CDH12: variants seen among roughly 807,000 people sequenced by gnomAD.
The protein encoded by CDH12 is cadherin 12.
Under a neutral mutation model 74.1 loss-of-function variants are expected in CDH12, and 41 were observed. The ratio of observed to expected loss-of-function variants is 0.55; its 90% CI spans 0.43 to 0.72. The LOEUF (loss-of-function observed/expected upper bound fraction) is 0.72. CDH12 is among the 30% of genes least tolerant of loss of function. The pLI, the probability that CDH12 is intolerant of heterozygous loss-of-function variation, is 0.00. For missense variants in CDH12, 945 were observed against 977.2 expected (o/e 0.97, Z 0.44); for synonymous variants, 399 against 355.0 (o/e 1.12, Z -1.39).
At chr5:22,097,505 C>T (rs1199589332) in intron 4 of CDH12, among the ~76,000 whole-genome samples, 3 of 152,142 alleles carry the variant, frequency 2.0e-5, no homozygotes, top group Non-Finnish European at 4.4e-5. Context: ...GGCTTCTAAA[C>T]ATCTTTAAAC....
At chr5:22,541,663 T>A (rs1392126175) in intron 1 of CDH12, among the ~76,000 whole-genome samples, 2 of 152,228 alleles carry the variant, frequency 1.3e-5, no homozygotes, top group East Asian at 1.9e-4. Context: ...ACTGTGTTTG[T>A]GCCCTATAAT....
At chr5:22,714,838 G>T (rs1261773691) in intron 1 of CDH12, among the ~76,000 whole-genome samples, 1 of 152,114 alleles carries the variant, frequency 6.6e-6, no homozygotes, top group African/African-American at 2.4e-5. Flanking sequence ...TGAATTCTGG[G>T]GCTTAACAAC....
chr5:22,207,432 A>C (rs527685573), intron 4 of CDH12, among the ~76,000 whole-genome samples: 2 of 152,270 alleles, frequency 1.3e-5, no homozygotes, highest in East Asian at 3.9e-4. Flanking sequence ...GCTTGCAATC[A>C]GCCATTGACA....
At chr5:22,642,956 A>T (rs759641967) in intron 1 of CDH12, among the ~76,000 whole-genome samples, 1 of 152,144 alleles carries the variant, frequency 6.6e-6, no homozygotes, top group South Asian at 2.1e-4. Flanking sequence ...TGGGGTTCTC[A>T]TTGGAATTTA....
At chr5:22,470,733 T>C (rs892121527) in intron 2 of CDH12, among the ~76,000 whole-genome samples, 12 of 152,120 alleles carry the variant, frequency 7.9e-5, no homozygotes, top group Non-Finnish European at 7.3e-5. Context: ...TTCTATTTTA[T>C]AAGGTAGATG....
intron 10 of CDH12, among the ~76,000 whole-genome samples, chr5:21,798,249 A>ATGTGTGTGTG (rs55704091): frequency 5.4e-5 from 8 of 148,784 alleles, no homozygotes; most frequent in African/African-American, 2.0e-4. Context: ...GTATATGTGG[A>ATGTGTGTGTG]TGTGTGTGTG....
chr5:22,299,494 G>A (rs1737773696), intron 3 of CDH12, among the ~76,000 whole-genome samples: 1 of 152,146 alleles, frequency 6.6e-6, no homozygotes, highest in South Asian at 2.1e-4. Flanking sequence ...AAATCATTAT[G>A]CAAGAAGTAG....
chr5:22,496,807 CTTCTTTTGCTCTTTT>C (rs1268787650), intron 2 of CDH12, among the ~76,000 whole-genome samples: 2 of 152,198 alleles, frequency 1.3e-5, no homozygotes, highest in African/African-American at 2.4e-5. Flanking sequence ...ACACTGACCA[CTTCTTTTGCTCTTTT>C]TATTTTTCTT....
chr5:22,329,777 C>T (rs890454633), intron 3 of CDH12, among the ~76,000 whole-genome samples: 1 of 152,190 alleles, frequency 6.6e-6, no homozygotes. Flanking sequence ...GCTCAGCCAG[C>T]GCCCACACAT....
chr5:22,695,177 T>C (rs1436698103), intron 1 of CDH12, among the ~76,000 whole-genome samples: 1 of 152,210 alleles, frequency 6.6e-6, no homozygotes, highest in Non-Finnish European at 1.5e-5. Flanking sequence ...ACTCATTCTT[T>C]TTTATGGCTG....
At chr5:21,842,482 A>G (rs1749927525) in intron 7 of CDH12, among the ~76,000 whole-genome samples, 154 bp from the exon 8 acceptor site, 1 of 152,202 alleles carries the variant, frequency 6.6e-6, no homozygotes, top group African/African-American at 2.4e-5. Flanking sequence ...GACATTCAAA[A>G]TGTCCAATGG....
chr5:22,754,743 C>A (rs1561007490), intron 1 of CDH12, among the ~76,000 whole-genome samples: 1 of 152,028 alleles, frequency 6.6e-6, no homozygotes, highest in Non-Finnish European at 1.5e-5. Context: ...CTTATTTAAT[C>A]CTTATGTGAT....
At chr5:21,968,288 C>T (rs1342825469) in intron 6 of CDH12, among the ~76,000 whole-genome samples, 5 of 152,180 alleles carry the variant, frequency 3.3e-5, no homozygotes, top group Admixed American at 2.6e-4. Flanking sequence ...TTTCTCCTTG[C>T]TACTTGCAAT....
intron 1 of CDH12, among the ~76,000 whole-genome samples, chr5:22,594,309 A>G (rs1736488207): frequency 6.6e-6 from 1 of 152,112 alleles, no homozygotes; most frequent in South Asian, 2.1e-4. Context: ...TATGGCTCAC[A>G]TTGTTCCCTG....
intron 4 of CDH12, among the ~76,000 whole-genome samples, chr5:22,128,662 G>T (rs71607802): frequency 6.6e-6 from 1 of 152,052 alleles, no homozygotes. Flanking sequence ...AACTATAGCT[G>T]TTCCCCTAAG....
intron 2 of CDH12, among the ~76,000 whole-genome samples, chr5:22,436,176 A>T (rs1744379757): frequency 6.7e-6 from 1 of 149,700 alleles, no homozygotes; most frequent in Non-Finnish European, 1.5e-5. Flanking sequence ...GGACAAAAAA[A>T]CCAAACACCA....
intron 3 of CDH12, among the ~76,000 whole-genome samples, chr5:22,318,294 C>T (rs2150434926): frequency 1.3e-5 from 2 of 152,236 alleles, no homozygotes; most frequent in Middle Eastern, 6.8e-3. Context: ...TAAACCTGGC[C>T]AATTTGCCTT....
At chr5:22,409,300 C>T (rs1743082162) in intron 2 of CDH12, among the ~76,000 whole-genome samples, 1 of 151,904 alleles carries the variant, frequency 6.6e-6, no homozygotes, top group Non-Finnish European at 1.5e-5. Context: ...GTCTTCTTAT[C>T]TGAGGTATAC....
At chr5:22,036,093 G>A (rs1370798944) in intron 5 of CDH12, among the ~76,000 whole-genome samples, 2 of 152,172 alleles carry the variant, frequency 1.3e-5, no homozygotes, top group Non-Finnish European at 2.9e-5. Flanking sequence ...AAGCACCTTA[G>A]ATGGTATGAT....
Sources: allele counts gnomAD v4.1 joint callset (sites outside exome capture counted in the v4.1 genomes callset), GRCh38; gene constraint gnomAD v4.1.1; transcripts MANE v1.5; gene names NCBI Gene and HGNC (gene_info 2026-07-23, HGNC 2026-07-21).